ST18: variants seen among roughly 807,000 people sequenced by gnomAD.
ST18 encodes suppression of tumorigenicity 18 protein.
A neutral mutation model predicts 110.0 loss-of-function variants in ST18; 50 were observed. The observed-to-expected ratio is 0.45, with a 90% confidence interval of 0.36 to 0.58. The LOEUF is 0.58. Ranked by LOEUF, ST18 falls within the 20% of genes least tolerant of loss-of-function variation. The pLI, the probability that ST18 is intolerant of heterozygous loss-of-function variation, is 0.00. For synonymous variants in ST18, 461 were observed against 452.4 expected (o/e 1.02, Z -0.24); for missense variants, 1,306 against 1,280.1 (o/e 1.02, Z -0.31).
rs1256987523 is a variant in ST18, at chr8:52,149,750, C to A, written c.2034G>T (p.Lys678Asn). 1 of 1,614,026 alleles carries A rather than the reference C, an allele frequency of 6.2e-7. No homozygotes were observed. The highest frequency in any genetic ancestry group is 8.5e-7 in the Non-Finnish European group (1 of 1,179,958). The change falls in exon 16 of 26, where the codon AAG (lysine) becomes AAT (asparagine). Residue 678 changes from lysine to asparagine, a missense_variant. Coordinates refer to ENST00000689386, the MANE Select transcript of ST18 (RefSeq NM_001352837.2). ...ACAATACCTCTTTCTCCTCCTCTGT[C>A]TTCCCGTGAGTTTTGCTATAGTTGA... The part of the protein sequence containing the change: ...TPINYSKTHG[K>N]TEEEKEKDPV...
chr8:52,236,343 C>G (rs2092668157), intron 2 of ST18, among the ~76,000 whole-genome samples: 1 of 152,178 alleles, frequency 6.6e-6, no homozygotes, highest in Non-Finnish European at 1.5e-5. Flanking sequence ...AACACGGTGG[C>G]TGACTCCTGT....
At chr8:52,223,072 G>A (rs62501032) in intron 3 of ST18, among the ~76,000 whole-genome samples, 17,643 of 152,154 alleles carry the variant, frequency 0.12, 1,382 homozygotes, top group Middle Eastern at 0.21. Flanking sequence ...ACATGGCTTC[G>A]CTTGTTAAAT....
intron 15 of ST18, among the ~76,000 whole-genome samples, chr8:52,151,465 G>C (rs2058791312): frequency 6.6e-6 from 1 of 152,134 alleles, no homozygotes; most frequent in Non-Finnish European, 1.5e-5. Context: ...TTTAAGCCCG[G>C]AATTTGGCAG....
At chr8:52,122,015 T>A (rs1350657342) in intron 23 of ST18, among the ~76,000 whole-genome samples, 1 of 152,122 alleles carries the variant, frequency 6.6e-6, no homozygotes, top group Non-Finnish European at 1.5e-5. Flanking sequence ...CCAGCTAATT[T>A]TTTTATTTTT....
At chr8:52,143,601 G>T (rs1339425768) in intron 16 of ST18, among the ~76,000 whole-genome samples, 1 of 152,206 alleles carries the variant, frequency 6.6e-6, no homozygotes, top group Non-Finnish European at 1.5e-5. Flanking sequence ...CCTTTCAAAA[G>T]TTCACATTTT....
rs1190478140 is a variant in ST18, at chr8:52,172,402, G to A, written c.459C>T (p.Gly153=). 2.7e-5 allele frequency: 43 copies of A among 1,613,848 alleles called. No individual in the cohort carries two copies. The highest frequency in any genetic ancestry group is 3.6e-5 in the Non-Finnish European group (42 of 1,180,022). Residue 153 remains glycine, a synonymous_variant, in exon 10 of 26, where the codon GGC becomes GGT. Transcript: ENST00000689386. The part of the protein sequence containing the change: ...QTVSENLNDS[G]IQSLKAESDE... ...CGCTCTCTGCTTTTAAAGACTGGATGCCACTGTCATTTAAATTTTCACTTA... is the reference window on the plus strand; with the variant it reads ...CGCTCTCTGCTTTTAAAGACTGGATACCACTGTCATTTAAATTTTCACTTA...
chr8:52,140,880 T>C (rs2054742376), intron 17 of ST18, among the ~76,000 whole-genome samples: 1 of 152,180 alleles, frequency 6.6e-6, no homozygotes, highest in Non-Finnish European at 1.5e-5. Context: ...TTTTTGAAGA[T>C]ATTAAAAATA....
chr8:52,268,207 G>C (rs2094936673), intron 2 of ST18, among the ~76,000 whole-genome samples: 1 of 152,176 alleles, frequency 6.6e-6, no homozygotes, highest in Non-Finnish European at 1.5e-5. Context: ...AGCAATCACA[G>C]CCTTCCCAGG....
Position 52,132,107 on chromosome 8 carries a change from G to A in ST18, c.2517C>T (p.Gly839=), listed in dbSNP as rs2049887205. The A allele has an allele frequency of 1.2e-6, 2 of 1,614,068 alleles. No individual in the cohort carries two copies. Among genetic ancestry groups the A allele is most frequent in the African/African-American group, 2.7e-5 (2 of 74,936 alleles). ...GKYTSHRTAS[G]CPLAAKRQKE... is the part of the protein sequence containing the mutation. ...TCTGTCTCTTGGCAGCCAGAGGACA[G>A]CCAGAAGCTGTGCGGTGTGATGTGT... The change falls in exon 22 of 26, where the codon GGC becomes GGT. Residue 839 remains glycine, a synonymous_variant. Transcript: ENST00000689386.
In ST18 at chr8:52,172,567, T is replaced by C. The variant is rs2065351553; in HGVS notation, c.294A>G (p.Lys98=). ...GHSTAEEIMI[K]PMDESLLSTA... ...TTGAAAGAAGACTTTCATCCATAGGTTTTATCATGATTTCCTCTATGGAAA... is the reference window on the plus strand; with the variant it reads ...TTGAAAGAAGACTTTCATCCATAGGCTTTATCATGATTTCCTCTATGGAAA... Residue 98 remains lysine, a synonymous_variant, in exon 10 of 26, where the codon AAA becomes AAG. Transcript: ENST00000689386. The C allele has an allele frequency of 6.4e-7, 1 of 1,573,704 alleles. No individual in the cohort carries two copies. The highest frequency in any genetic ancestry group is 1.4e-5 in the African/African-American group (1 of 72,754).
rs1276664970 is a variant in ST18, at chr8:52,218,427, G to GGCT, written c.-156-529_-156-527dup. ...GATGAGGTTTTGCTCTTGTTGCCCA[G>GGCT]GCTGGAGTGCAATGGCATGATCTCG... On this transcript the variant is annotated intron_variant, in intron 5 of 25. Coordinates refer to ENST00000689386, the MANE Select transcript of ST18 (RefSeq NM_001352837.2). Among the ~76,000 whole-genome samples, 18 of 151,056 alleles carry GGCT rather than the reference G, an allele frequency of 1.2e-4. No homozygotes were observed. In the East Asian group the frequency reaches 3.5e-3, roughly 29 times the overall value.
At chr8:52,333,221 G>A (rs530230240) in intron 2 of ST18, among the ~76,000 whole-genome samples, 3 of 151,626 alleles carry the variant, frequency 2.0e-5, no homozygotes, top group African/African-American at 4.8e-5. Context: ...TATCCTAAAC[G>A]TTTCTCAAGG....
At chr8:52,405,403 T>A (rs1844136533) in intron 2 of ST18, 1 of 152,212 alleles carries the variant, frequency 6.6e-6, no homozygotes, top group Admixed American at 6.5e-5. Flanking sequence ...CACAGCATCC[T>A]TTTTAATTAA....
At chr8:52,401,091 T>C (rs1842694043) in intron 2 of ST18, among the ~76,000 whole-genome samples, 1 of 152,210 alleles carries the variant, frequency 6.6e-6, no homozygotes, top group East Asian at 1.9e-4. Flanking sequence ...CACTACTAAG[T>C]GTAATATTCT....
At chr8:52,397,612 C>A (rs527844609) in intron 2 of ST18, among the ~76,000 whole-genome samples, 1 of 152,092 alleles carries the variant, frequency 6.6e-6, no homozygotes, top group African/African-American at 2.4e-5. Context: ...GCCTTTTATC[C>A]ATTTTGAGAT....
intron 8 of ST18, among the ~76,000 whole-genome samples, chr8:52,197,111 C>T (rs1427317095): frequency 6.6e-6 from 1 of 152,154 alleles, no homozygotes; most frequent in African/African-American, 2.4e-5. Context: ...TCTACTTCGG[C>T]TCTCAGTGTT....
At chr8:52,268,481 A>C (rs901909332) in intron 2 of ST18, among the ~76,000 whole-genome samples, 2 of 94,410 alleles carry the variant, frequency 2.1e-5, no homozygotes, top group African/African-American at 6.1e-5. Flanking sequence ...CTATCTATCT[A>C]TCTATCTATC....
At chr8:52,280,834 T>C (rs2095362087) in intron 2 of ST18, among the ~76,000 whole-genome samples, 1 of 152,124 alleles carries the variant, frequency 6.6e-6, no homozygotes, top group East Asian at 1.9e-4. Context: ...CAGACAAAAG[T>C]CAGTGAGGCT....
chr8:52,160,265 TA>T (rs1435863556), intron 14 of ST18, among the ~76,000 whole-genome samples: 1 of 152,236 alleles, frequency 6.6e-6, no homozygotes, highest in African/African-American at 2.4e-5. Flanking sequence ...ACTTTTCCCT[TA>T]AATCTAACAG....
Sources: gnomAD v4.1 joint callset for allele counts (sites outside exome capture counted in the v4.1 genomes callset) on GRCh38, gnomAD v4.1.1 for gene constraint, MANE v1.5 for transcripts, NCBI Gene and HGNC (gene_info 2026-07-23, HGNC 2026-07-21) for gene names.